The following HAPSTR1 variants were observed in gnomAD, a reference collection of about 807,000 sequenced individuals.
The protein encoded by HAPSTR1 is HUWE1 associated protein modifying stress responses.
chr16:9,112,063 G>A, the HAPSTR1 span: 1 of 152,140 alleles, frequency 6.6e-6, no homozygotes, highest in Non-Finnish European at 1.5e-5. Context: ...GTTTGATTTA[G>A]TGTGCTTTAT....
the HAPSTR1 span, chr16:9,104,152 T>G: frequency 6.6e-6 from 1 of 150,878 alleles, no homozygotes; most frequent in Non-Finnish European, 1.5e-5. Flanking sequence ...TTCGCTCTTG[T>G]GGCCCAGGCT....
chr16:9,114,545 A>G, the HAPSTR1 span, among the ~76,000 whole-genome samples: 1 of 152,144 alleles, frequency 6.6e-6, no homozygotes, highest in African/African-American at 2.4e-5. Flanking sequence ...AGGCCTCACT[A>G]TTTCAGAGAG....
the HAPSTR1 span, among the ~76,000 whole-genome samples, chr16:9,093,769 TTG>T: frequency 6.6e-6 from 1 of 152,164 alleles, no homozygotes; most frequent in African/African-American, 2.4e-5. Flanking sequence ...TCTTGCCCAT[TTG>T]TGCATTCTTG....
chr16:9,105,569 A>T, the HAPSTR1 span: 1 of 152,230 alleles, frequency 6.6e-6, no homozygotes, highest in Non-Finnish European at 1.5e-5. Flanking sequence ...TAGATTAGTG[A>T]CTTCAACTGG....
At chr16:9,112,945 C>G in the HAPSTR1 span, 4 of 149,942 alleles carry the variant, frequency 2.7e-5, no homozygotes, top group East Asian at 5.8e-4. Context: ...TCTCATAGCC[C>G]TTTTGAAAAA....
chr16:9,110,315 A>G, the HAPSTR1 span: 1 of 152,172 alleles, frequency 6.6e-6, no homozygotes, highest in Non-Finnish European at 1.5e-5. Context: ...ATTTAGGGGT[A>G]TAAGGTTGGA....
the HAPSTR1 span, among the ~76,000 whole-genome samples, chr16:9,100,658 C>A: frequency 6.6e-6 from 1 of 152,080 alleles, no homozygotes; most frequent in African/African-American, 2.4e-5. Context: ...CTCAGCCTCC[C>A]GAGTAGCTGG....
the HAPSTR1 span, among the ~76,000 whole-genome samples, chr16:9,093,886 T>C: frequency 9.2e-5 from 14 of 152,156 alleles, no homozygotes; most frequent in African/African-American, 3.4e-4. Flanking sequence ...GATTTGACTT[T>C]GTTAATCTTA....
chr16:9,099,059 C>T, the HAPSTR1 span, among the ~76,000 whole-genome samples: 2 of 151,988 alleles, frequency 1.3e-5, no homozygotes, highest in African/African-American at 4.8e-5. Context: ...TCTGCCCCCA[C>T]CCCAGCCCGT....
the HAPSTR1 span, chr16:9,119,011 G>C: frequency 1.3e-5 from 2 of 152,612 alleles, no homozygotes; most frequent in Non-Finnish European, 2.9e-5. Context: ...GAGAAAGCAG[G>C]TCTTAATGTC....
chr16:9,116,551 C>CTTAT, the HAPSTR1 span: 1 of 1,340,326 alleles, frequency 7.5e-7, no homozygotes. Flanking sequence ...CTAGTAATCC[C>CTTAT]TTATAAAGGA....
chr16:9,115,103 T>C, the HAPSTR1 span, among the ~76,000 whole-genome samples: 5 of 151,844 alleles, frequency 3.3e-5, no homozygotes, highest in African/African-American at 1.2e-4. Context: ...AGAAGGGAGG[T>C]GTGGCCCTCA....
At chr16:9,093,760 C>G in the HAPSTR1 span, among the ~76,000 whole-genome samples, 1 of 151,922 alleles carries the variant, frequency 6.6e-6, no homozygotes, top group Non-Finnish European at 1.5e-5. Flanking sequence ...AGTAAACGTT[C>G]TTGCCCATTT....
At chr16:9,113,027 G>GTTTTTTTTTTTTTTTTTTTTTTTT in the HAPSTR1 span, 3 of 128,300 alleles carry the variant, frequency 2.3e-5, no homozygotes, top group Admixed American at 7.6e-5. Flanking sequence ...TGTTTTTTTT[G>GTTTTTTTTTTTTTTTTTTTTTTTT]TTTTTTTTTG....
chr16:9,094,992 TA>T, the HAPSTR1 span, among the ~76,000 whole-genome samples: 3 of 152,256 alleles, frequency 2.0e-5, no homozygotes, highest in African/African-American at 7.2e-5. Flanking sequence ...TTACTTCATT[TA>T]AAAATGTTTA....
the HAPSTR1 span, among the ~76,000 whole-genome samples, chr16:9,100,564 T>C: frequency 6.6e-6 from 1 of 152,132 alleles, no homozygotes; most frequent in African/African-American, 2.4e-5. Flanking sequence ...GAGAGAGTCT[T>C]ACTCTTTCGC....
the HAPSTR1 span, chr16:9,120,231 C>T: frequency 3.3e-5 from 5 of 152,150 alleles, no homozygotes; most frequent in Admixed American, 3.3e-4. Context: ...AGAGCAACCC[C>T]TTGTTTAAAG....
chr16:9,102,730 T>G, the HAPSTR1 span, among the ~76,000 whole-genome samples: 1 of 152,340 alleles, frequency 6.6e-6, no homozygotes, highest in South Asian at 2.1e-4. Flanking sequence ...TCTCTCTGTT[T>G]CTGTTAAATT....
At chr16:9,102,913 G>A in the HAPSTR1 span, 1 of 1,488,646 alleles carries the variant, frequency 6.7e-7, no homozygotes, top group African/African-American at 1.4e-5. Flanking sequence ...ATTGTAAAAT[G>A]GTTTTCTTTA....
Sources: gnomAD v4.1 joint callset for allele counts (sites outside exome capture counted in the v4.1 genomes callset) on GRCh38, gnomAD v4.1.1 for gene constraint, MANE v1.5 for transcripts, NCBI Gene and HGNC (gene_info 2026-07-23, HGNC 2026-07-21) for gene names.